BAX: variants seen among roughly 807,000 people sequenced by gnomAD.
The protein encoded by BAX is BCL2 associated X, apoptosis regulator.
Under a neutral mutation model 26.8 loss-of-function variants are expected in BAX, and 21 were observed. The observed-to-expected ratio is 0.78, with a 90% CI of 0.56 to 1.13. The LOEUF (loss-of-function observed/expected upper bound fraction) is 1.13. BAX is among the 50% of genes most tolerant of loss of function. The pLI is 0.00. For synonymous variants in BAX, 110 were observed against 101.8 expected (o/e 1.08, Z -0.49); for missense variants, 236 against 254.6 (o/e 0.93, Z 0.50).
chr19:48,955,094 A>G, intron 1 of BAX, 132 bp downstream of exon 1: 1 of 1,088,984 alleles, frequency 9.2e-7, no homozygotes, highest in Non-Finnish European at 1.2e-6. Context: ...GGGCGCTGCC[A>G]GCCTCCAGTC....
In BAX at chr19:48,955,530, C is replaced by T; in HGVS notation, c.35-18C>T. 6.2e-7 allele frequency: 1 copy of T among 1,608,764 alleles called. No homozygotes were observed. On this transcript the variant is annotated intron_variant, in intron 1 of 5. Coordinates refer to ENST00000345358, the MANE Select transcript of BAX (RefSeq NM_138761.4). ...AACCCAAGAGTCCAGGTACCTCTTC[C>T]CTTCCTTTCTCCTCTAGGGCCCACC...
chr19:48,956,130 G>A, intron 3 of BAX, 68 bp from the exon 4 acceptor site: 1 of 1,449,734 alleles, frequency 6.9e-7, no homozygotes, highest in Non-Finnish European at 9.1e-7. Flanking sequence ...AGTGTGCGGT[G>A]GATGCGGGAA....
intron 1 of BAX, 108 bp from the exon 2 acceptor site, chr19:48,955,440 T>A: frequency 7.7e-7 from 1 of 1,304,428 alleles, no homozygotes; most frequent in Non-Finnish European, 1.0e-6. Flanking sequence ...GTCCCAGAAG[T>A]CCAGGGTCCC....
chr19:48,957,265 CTTTTTTTT>C (rs61415800), intron 4 of BAX, among the ~76,000 whole-genome samples: 1 of 54,944 alleles, frequency 1.8e-5, no homozygotes, highest in African/African-American at 7.9e-5. Flanking sequence ...TTTTTCTTTT[CTTTTTTTT>C]TTTTTTTTTT....
intron 4 of BAX, among the ~76,000 whole-genome samples, chr19:48,958,144 G>A (rs1568606559): frequency 6.6e-6 from 1 of 151,056 alleles, no homozygotes; most frequent in Admixed American, 6.6e-5. Flanking sequence ...AGGCTGGAGT[G>A]CAGTAGTGAT....
rs1373050360 is a variant in BAX at position 48,954,885 on chromosome 19, C to G, written c.-44C>G. On this transcript the variant is annotated 5_prime_UTR_variant, in exon 1 of 6. Coordinates refer to ENST00000345358, the MANE Select transcript of BAX (RefSeq NM_138761.4). ...TCACGTGACCCGGGCGCGCTGCGGC[C>G]GCCCGCGCGGACCCGGCGAGAGGCG... The G allele has an allele frequency of 3.3e-6, 4 of 1,225,668 alleles. No homozygotes were observed. The highest frequency in any genetic ancestry group is 4.1e-6 in the Non-Finnish European group (4 of 983,694). The allele number at this position is 1,225,668 out of a possible 1,614,324, so 75.9% of individuals were successfully genotyped here. A position where few individuals can be genotyped will look rare whatever the true frequency, so the allele number is the denominator to read the frequency against.
chr19:48,956,072 T>C, intron 3 of BAX, 126 bp from the exon 4 acceptor site: 2 of 1,309,076 alleles, frequency 1.5e-6, no homozygotes, highest in Non-Finnish European at 1.0e-6. Flanking sequence ...CCCGTTGGCC[T>C]GTTGCTTTTC....
At position 48,961,612 on chromosome 19, in the gene BAX, C is replaced by CA; in HGVS notation, c.556dup (p.Thr186AsnfsTer21). ...TGGCGGGAGTGCTCACCGCCTCACT[C>CA]ACCATCTGGAAGAAGATGGGCTGAG... On this transcript the variant is annotated frameshift_variant, in exon 6 of 6. Transcript: ENST00000345358. LOFTEE classifies it high-confidence loss of function. 1 of 1,600,722 alleles carries CA rather than the reference C, an allele frequency of 6.2e-7. No individual in the cohort carries two copies. Among genetic ancestry groups the CA allele is most frequent in the Non-Finnish European group, 8.5e-7 (1 of 1,173,354 alleles).
chr19:48,955,183 G>C (rs2038073652), intron 1 of BAX: 1 of 527,780 alleles, frequency 1.9e-6, no homozygotes, highest in Admixed American at 4.4e-5. Flanking sequence ...GGACCCTCGA[G>C]AACCAGGGGA....
In BAX at chr19:48,956,351, A is replaced by C; in HGVS notation, c.369+18A>C. ...TGCTCAAGGTGGGCAGCTGCAGGGCAGTGAGCCCAGGGATGCTCCCCCTCA... is the reference window on the plus strand; with the variant it reads ...TGCTCAAGGTGGGCAGCTGCAGGGCCGTGAGCCCAGGGATGCTCCCCCTCA... On this transcript the variant is annotated intron_variant, in intron 4 of 5. Transcript: ENST00000345358. 1 of 1,538,390 alleles carries C rather than the reference A, an allele frequency of 6.5e-7. No homozygotes were observed. Among genetic ancestry groups the C allele is most frequent in the Non-Finnish European group, 8.8e-7 (1 of 1,141,764 alleles).
In BAX at chr19:48,955,717, G is replaced by C. The variant is rs745430026; in HGVS notation, c.117G>C (p.Gly39=). The C allele has an allele frequency of 2.5e-6, 4 of 1,612,944 alleles. No individual in the cohort carries two copies. Among genetic ancestry groups the C allele is most frequent in the Non-Finnish European group, 3.4e-6 (4 of 1,179,394 alleles). The change falls in exon 3 of 6, where the codon GGG becomes GGC. Residue 39 remains glycine (G), a synonymous_variant. Coordinates refer to ENST00000345358, the MANE Select transcript of BAX (RefSeq NM_138761.4). The part of the protein sequence containing the change: ...GFIQDRAGRM[G]GEAPELALDP... Reference sequence around the variant, plus strand: ...TCCAGGATCGAGCAGGGCGAATGGGGGGGGAGGCACCCGAGCTGGCCCTGG... The same window carrying C: ...TCCAGGATCGAGCAGGGCGAATGGGCGGGGAGGCACCCGAGCTGGCCCTGG...
chr19:48,958,805 A>G (rs915133997), intron 4 of BAX, among the ~76,000 whole-genome samples: 7 of 151,956 alleles, frequency 4.6e-5, no homozygotes, highest in Non-Finnish European at 8.8e-5. Context: ...TCGGTCTCCC[A>G]AAGTGCTGGG....
rs56251427 is a variant in BAX at position 48,956,819 on chromosome 19, CTTTTTTTTTTTTT to C, written c.369+499_369+511del. Among the ~76,000 whole-genome samples the C allele has an allele frequency of 5.3e-4, 46 of 87,372 alleles. 1 individual carries two copies. The highest frequency in any genetic ancestry group is 1.9e-3 in the African/African-American group (40 of 21,078). 57.3% of individuals were successfully genotyped at this position (87,372 alleles called of 152,430 possible). On this transcript the variant is annotated intron_variant, in intron 4 of 5. Transcript: ENST00000345358. ...TATGGGTGTGCACCATTATCCCTGG[CTTTTTTTTTTTTT>C]TTTTTTTTTTTTGTATTTTTAGTAG...
chr19:48,956,190 T>G lies in BAX; in HGVS notation c.234-8T>G, dbSNP rs769587531. 2 of 1,518,944 alleles carry G rather than the reference T, an allele frequency of 1.3e-6. No individual in the cohort carries two copies. The highest frequency in any genetic ancestry group is 1.8e-6 in the Non-Finnish European group (2 of 1,132,106). The allele number at this position is 1,518,944 out of a possible 1,614,324, so 94.1% of individuals were successfully genotyped here. ...GCTCCCCGGCACTGGTTCTCCTCTCTCCTGCAGGATGATTGCCGCCGTGGA... is the reference window on the plus strand; with the variant it reads ...GCTCCCCGGCACTGGTTCTCCTCTCGCCTGCAGGATGATTGCCGCCGTGGA... On this transcript the variant is annotated splice_polypyrimidine_tract_variant and splice_region_variant and intron_variant, in intron 3 of 5. Transcript: ENST00000345358.
rs774444543 is a variant in BAX at position 48,961,117 on chromosome 19, C to T, written c.474+203C>T. 3.8e-6 allele frequency: 6 copies of T among 1,561,244 alleles called. No homozygotes were observed. The Admixed American group carries it at 1.0e-4, about 27-fold the overall frequency. Reference sequence around the variant, plus strand: ...GTCTGATCAATCCCCGATTCATCTACCCTGCTGACCTCCCAGTGACCCCTG... The same window carrying T: ...GTCTGATCAATCCCCGATTCATCTATCCTGCTGACCTCCCAGTGACCCCTG... On this transcript the variant is annotated intron_variant, in intron 5 of 5. Transcript: ENST00000345358.
At position 48,960,803 on chromosome 19, in the gene BAX, C is replaced by G. The variant is rs773804974; in HGVS notation, c.370-7C>G. 6.2e-7 allele frequency: 1 copy of G among 1,602,516 alleles called. No homozygotes were observed. The highest frequency in any genetic ancestry group is 1.7e-5 in the Admixed American group (1 of 59,716). On this transcript the variant is annotated splice_polypyrimidine_tract_variant and splice_region_variant and intron_variant, in intron 4 of 5. Coordinates refer to ENST00000345358, the MANE Select transcript of BAX (RefSeq NM_138761.4). ...TCAGTCCCTAACGCCCACTCCACTC[C>G]CCACAGGCCCTGTGCACCAAGGTGC...
At chr19:48,955,149 G>A in intron 1 of BAX, 187 bp downstream of exon 1, 1 of 691,690 alleles carries the variant, frequency 1.4e-6, no homozygotes, top group Non-Finnish European at 2.0e-6. Flanking sequence ...CCCGTGTCCC[G>A]ATCCCTGCCT....
At position 48,956,320 on chromosome 19, in the gene BAX, A is replaced by G. The variant is rs1406175841; in HGVS notation, c.356A>G (p.Lys119Arg). 1 of 1,571,800 alleles carries G rather than the reference A, an allele frequency of 6.4e-7. No homozygotes were observed. The highest frequency in any genetic ancestry group is 8.6e-7 in the Non-Finnish European group (1 of 1,159,418). The change falls in exon 4 of 6, where the codon AAA (lysine) becomes AGA (arginine). Residue 119 changes from lysine to arginine, a missense_variant. Physicochemically the swap from Lys to Arg is conservative, Grantham distance 26. Coordinates refer to ENST00000345358, the MANE Select transcript of BAX (RefSeq NM_138761.4). ...GTCGCCCTTTTCTACTTTGCCAGCA[A>G]ACTGGTGCTCAAGGTGGGCAGCTGC... ...RVVALFYFAS[K>R]LVLKALCTKV...
chr19:48,957,265 CTTT>C (rs61415800), intron 4 of BAX, among the ~76,000 whole-genome samples: 284 of 54,908 alleles, frequency 5.2e-3, no homozygotes, highest in African/African-American at 0.02. Context: ...TTTTTCTTTT[CTTT>C]TTTTTTTTTT....
Sources: allele counts gnomAD v4.1 joint callset (sites outside exome capture counted in the v4.1 genomes callset), GRCh38; gene constraint gnomAD v4.1.1; transcripts MANE v1.5; gene names NCBI Gene and HGNC (gene_info 2026-07-23, HGNC 2026-07-21).